The following SHANK2 variants were observed in gnomAD, a reference collection of about 807,000 sequenced individuals.
SHANK2 encodes SH3 and multiple ankyrin repeat domains 2, also known as SH3 and multiple ankyrin repeat domains protein 2.
In SHANK2, 43 loss-of-function variants were observed where a neutral mutation model predicts 133.7. The observed-to-expected ratio is 0.32, with a 90% CI of 0.25 to 0.41. The LOEUF (loss-of-function observed/expected upper bound fraction) is 0.41. Among genes scored for constraint, SHANK2 ranks in the 10% least tolerant of loss-of-function variants. The pLI, the probability that SHANK2 is intolerant of heterozygous loss-of-function variation, is 1.00. For missense variants in SHANK2, 1,994 were observed against 2,235.8 expected, an observed-to-expected ratio of 0.89 and a Z score of 2.18; for synonymous variants, 1,017 against 952.8, an observed-to-expected ratio of 1.07 and a Z score of -1.24.
chr11:70,812,159 G>A (rs1197893004), intron 12 of SHANK2, among the ~76,000 whole-genome samples: 1 of 152,258 alleles, frequency 6.6e-6, no homozygotes, highest in Non-Finnish European at 1.5e-5. Flanking sequence ...ACTTGACAGA[G>A]AAGTCAAAGT....
At chr11:70,758,054 G>T (rs1555039345) in intron 14 of SHANK2, among the ~76,000 whole-genome samples, 2 of 152,112 alleles carry the variant, frequency 1.3e-5, no homozygotes, top group Non-Finnish European at 2.9e-5. Flanking sequence ...TTAAACACGG[G>T]GCTTGCAACT....
At chr11:71,130,035 C>T (rs1174228681) in intron 3 of SHANK2, among the ~76,000 whole-genome samples, 1 of 152,174 alleles carries the variant, frequency 6.6e-6, no homozygotes, top group African/African-American at 2.4e-5. Flanking sequence ...TGTCTGCGTC[C>T]TCACCTCCTC....
At chr11:70,728,997 G>A (rs892026120) in intron 14 of SHANK2, among the ~76,000 whole-genome samples, 19 of 152,038 alleles carry the variant, frequency 1.2e-4, no homozygotes, top group African/African-American at 4.6e-4. Context: ...CTGAGCTCAG[G>A]AGTTCGAGAC....
intron 17 of SHANK2, among the ~76,000 whole-genome samples, chr11:70,578,230 C>A (rs2060141054): frequency 6.6e-6 from 1 of 151,210 alleles, no homozygotes; most frequent in Non-Finnish European, 1.5e-5. Flanking sequence ...GACTCGAATC[C>A]CGGCAGGATG....
intron 17 of SHANK2, among the ~76,000 whole-genome samples, chr11:70,652,754 T>A (rs188111978): frequency 1.8e-3 from 270 of 152,254 alleles, no homozygotes; most frequent in Non-Finnish European, 2.9e-3. Flanking sequence ...AAGGCTGCAG[T>A]GAGCTGTGAT....
intron 14 of SHANK2, among the ~76,000 whole-genome samples, chr11:70,746,341 C>T (rs914730460): frequency 6.7e-6 from 1 of 150,052 alleles, no homozygotes; most frequent in East Asian, 2.0e-4. Flanking sequence ...TCTCCTCTCC[C>T]ACCACACTCT....
intron 1 of SHANK2, among the ~76,000 whole-genome samples, chr11:71,244,300 T>G (rs1056021001): frequency 1.2e-4 from 18 of 152,240 alleles, no homozygotes; most frequent in Admixed American, 8.5e-4. Flanking sequence ...CTGGTGGCTG[T>G]CTGAAGCCCC....
chr11:71,058,133 G>T, intron 9 of SHANK2, among the ~76,000 whole-genome samples: 1 of 152,096 alleles, frequency 6.6e-6, no homozygotes, highest in Non-Finnish European at 1.5e-5. Context: ...GGGCTCAAGT[G>T]ATCTGCCTGC....
At chr11:70,908,286 C>T (rs1257184700) in intron 10 of SHANK2, among the ~76,000 whole-genome samples, 2 of 152,144 alleles carry the variant, frequency 1.3e-5, no homozygotes, top group African/African-American at 4.8e-5. Flanking sequence ...CTGGCACACG[C>T]AGGATGGCCT....
At chr11:70,933,419 T>C in intron 10 of SHANK2, 1 of 426,700 alleles carries the variant, frequency 2.3e-6, no homozygotes, top group South Asian at 1.7e-5. Flanking sequence ...TTTGGGAAAA[T>C]GACAAAATTC....
intron 9 of SHANK2, among the ~76,000 whole-genome samples, chr11:71,072,266 C>T (rs946573229): frequency 2.0e-5 from 3 of 152,034 alleles, no homozygotes; most frequent in South Asian, 2.1e-4. Flanking sequence ...ATGGCTTCCC[C>T]GCTCCTACAG....
chr11:70,664,826 G>C (rs557222109), intron 15 of SHANK2, among the ~76,000 whole-genome samples: 12 of 152,194 alleles, frequency 7.9e-5, no homozygotes, highest in Admixed American at 2.0e-4. Flanking sequence ...GGCATCACAC[G>C]GAGCGTGGTT....
intron 14 of SHANK2, among the ~76,000 whole-genome samples, chr11:70,756,955 T>A (rs970068765): frequency 6.6e-6 from 1 of 152,134 alleles, no homozygotes; most frequent in Non-Finnish European, 1.5e-5. Context: ...ACCACTCCAC[T>A]TCCCCAGGTC....
At chr11:70,573,768 C>T (rs1041187833) in intron 17 of SHANK2, among the ~76,000 whole-genome samples, 7 of 152,322 alleles carry the variant, frequency 4.6e-5, no homozygotes, top group Admixed American at 2.6e-4. Context: ...CAACCCCACA[C>T]CTCACTTCAG....
chr11:71,109,734 C>T (rs964377424), intron 6 of SHANK2, among the ~76,000 whole-genome samples: 14 of 152,270 alleles, frequency 9.2e-5, no homozygotes, highest in South Asian at 4.1e-4. Flanking sequence ...CCAGGCCCCA[C>T]GCAAGATGCT....
chr11:70,701,151 TGCGTGTGTGTGTAC>T lies in SHANK2; in HGVS notation c.1778-2402_1778-2389del, dbSNP rs368455485. Among the ~76,000 whole-genome samples the T allele has an allele frequency of 1.6e-3, 247 of 152,124 alleles. 3 individuals are homozygous for T. Among genetic ancestry groups the T allele is most frequent in the East Asian group, 0.014 (70 of 5,172 alleles). Reference sequence around the variant, plus strand: ...AGAGAGGAGTGTGTAGTGGAATGTGTGCGTGTGTGTGTACGCGTGTGTGTGTGTGTGTATTTACC... The same window carrying T: ...AGAGAGGAGTGTGTAGTGGAATGTGTGCGTGTGTGTGTGTGTGTATTTACC... On this transcript the variant is annotated intron_variant, in intron 14 of 25. Coordinates refer to ENST00000601538, the MANE Select transcript of SHANK2 (RefSeq NM_012309.5).
At chr11:70,665,931 A>G (rs1944670888) in intron 15 of SHANK2, among the ~76,000 whole-genome samples, 1 of 152,144 alleles carries the variant, frequency 6.6e-6, no homozygotes, top group African/African-American at 2.4e-5. Flanking sequence ...CATTTTCTAC[A>G]AGGTCAATGG....
chr11:70,633,981 C>G (rs2061036522), intron 17 of SHANK2: 1 of 152,250 alleles, frequency 6.6e-6, no homozygotes, highest in South Asian at 2.1e-4. Context: ...TATGGCCAAC[C>G]TACCCTGTCC....
At chr11:71,082,963 G>A (rs1274535238) in intron 8 of SHANK2, among the ~76,000 whole-genome samples, 1 of 109,160 alleles carries the variant, frequency 9.2e-6, no homozygotes, top group Non-Finnish European at 1.7e-5. Flanking sequence ...CAACCCTTCT[G>A]AAACAGGTTC....
Sources: allele counts gnomAD v4.1 joint callset (sites outside exome capture counted in the v4.1 genomes callset), GRCh38; gene constraint gnomAD v4.1.1; transcripts MANE v1.5; gene names NCBI Gene and HGNC (gene_info 2026-07-23, HGNC 2026-07-21).